NUMB: variants seen among roughly 807,000 people sequenced by gnomAD.
The protein encoded by NUMB is protein numb homolog.
In NUMB, 29 loss-of-function variants were observed where a neutral mutation model predicts 59.7. The ratio of observed to expected loss-of-function variants is 0.49; its 90% CI spans 0.36 to 0.66. The LOEUF is 0.66. NUMB is among the 30% of genes least tolerant of loss of function. The pLI, the probability that NUMB is intolerant of heterozygous loss-of-function variation, is 0.00. For synonymous variants in NUMB, 288 were observed against 288.2 expected (o/e 1.00, Z 0.01); for missense variants, 723 against 822.0 (o/e 0.88, Z 1.47).
chr14:73,340,379 C>T (rs77107327), intron 4 of NUMB, among the ~76,000 whole-genome samples: 4 of 152,292 alleles, frequency 2.6e-5, no homozygotes, highest in African/African-American at 7.2e-5. Context: ...AGGCAAACTG[C>T]GCCATCTGGC....
intron 5 of NUMB, 39 bp downstream of exon 5, chr14:73,323,091 T>C (rs1026387855): frequency 9.6e-6 from 14 of 1,451,876 alleles, no homozygotes; most frequent in Middle Eastern, 1.8e-4. Context: ...AAAATATTGA[T>C]AGCATATAGA....
rs1180299494 is a variant in NUMB at position 73,398,409 on chromosome 14, AGAGAGAGTGTGT to A, written c.-101+11516_-101+11527del. Among the ~76,000 whole-genome samples, 469 of 120,212 alleles carry A rather than the reference AGAGAGAGTGTGT, an allele frequency of 3.9e-3. 5 individuals are homozygous for A. Among genetic ancestry groups the A allele is most frequent in the African/African-American group, 0.013 (449 of 34,380 alleles). The allele number at this position is 120,212 out of a possible 152,430, so 78.9% of individuals were successfully genotyped here. A position where few individuals can be genotyped will look rare whatever the true frequency, so the allele number is the denominator to read the frequency against. On this transcript the variant is annotated intron_variant, in intron 2 of 12. Coordinates refer to ENST00000555238, the MANE Select transcript of NUMB (RefSeq NM_001005743.2). ...GACACACACAGAGAGAGAGAGAGAG[AGAGAGAGTGTGT>A]GTGTGTGTGTGTGTGTGTGTGTGTG...
chr14:73,280,686 A>ATT (rs397852698), intron 11 of NUMB, among the ~76,000 whole-genome samples: 2,656 of 87,584 alleles, frequency 0.03, 112 homozygotes, highest in African/African-American at 0.06. Context: ...TGTTGGTACT[A>ATT]TTTTTTTTTT....
At chr14:73,279,604 C>G (rs177380) in intron 11 of NUMB, among the ~76,000 whole-genome samples, 180 bp from the exon 12 acceptor site, 122,182 of 152,226 alleles carry the variant, frequency 0.8, 49,579 homozygotes, top group African/African-American at 0.92. Context: ...GGCAAAGAAG[C>G]AATCAGAGAT....
chr14:73,430,877 G>A (rs1006029489), intron 1 of NUMB, among the ~76,000 whole-genome samples: 10 of 151,786 alleles, frequency 6.6e-5, no homozygotes, highest in Non-Finnish European at 1.0e-4. Flanking sequence ...CCAGGGAGGC[G>A]GAGCTTGCAG....
chr14:73,292,949 T>C lies in NUMB; in HGVS notation c.310-75A>G. The stretch of plus-strand genomic sequence containing the variant: ...GCTTCTCAGAACACAGGATGTTCAT[T>C]TCATGATGCACAATCCATACATCTG... On this transcript the variant is annotated intron_variant, in intron 7 of 12. Coordinates refer to ENST00000555238, the MANE Select transcript of NUMB (RefSeq NM_001005743.2). 9 of 1,422,196 alleles carry C rather than the reference T, an allele frequency of 6.3e-6. No individual in the cohort carries two copies. In the South Asian group the frequency reaches 9.6e-5, roughly 15 times the overall value. The allele number at this position is 1,422,196 out of a possible 1,614,324, so 88.1% of individuals were successfully genotyped here.
At chr14:73,380,906 A>G (rs1278877091) in intron 2 of NUMB, among the ~76,000 whole-genome samples, 1 of 152,038 alleles carries the variant, frequency 6.6e-6, no homozygotes, top group African/African-American at 2.4e-5. Context: ...TGTATTTAGT[A>G]GAGACGTGGT....
chr14:73,432,351 A>G (rs1351119145), intron 1 of NUMB, among the ~76,000 whole-genome samples: 1 of 152,108 alleles, frequency 6.6e-6, no homozygotes, highest in African/African-American at 2.4e-5. Context: ...ACACAAGAAC[A>G]GGCTCACATG....
At chr14:73,344,847 A>C (rs1053954403) in intron 4 of NUMB, among the ~76,000 whole-genome samples, 1 of 152,252 alleles carries the variant, frequency 6.6e-6, no homozygotes, top group African/African-American at 2.4e-5. Context: ...TTACAAGTTA[A>C]ATGATTAGCT....
chr14:73,394,494 G>T (rs1187250647), intron 2 of NUMB, among the ~76,000 whole-genome samples: 1 of 151,264 alleles, frequency 6.6e-6, no homozygotes, highest in Non-Finnish European at 1.5e-5. Context: ...CCACAGCTTT[G>T]AATTCCTGGG....
intron 4 of NUMB, among the ~76,000 whole-genome samples, chr14:73,350,985 T>G (rs1274858610): frequency 6.6e-6 from 1 of 152,210 alleles, no homozygotes; most frequent in African/African-American, 2.4e-5. Flanking sequence ...CAAACTACAC[T>G]GCAGCCAAAG....
chr14:73,394,342 A>C (rs1896013529), intron 2 of NUMB, among the ~76,000 whole-genome samples: 1 of 151,084 alleles, frequency 6.6e-6, no homozygotes, highest in Non-Finnish European at 1.5e-5. Flanking sequence ...CATATCCATC[A>C]CCTCACATAC....
chr14:73,453,492 A>G (rs1025614645), intron 1 of NUMB, among the ~76,000 whole-genome samples: 11 of 152,044 alleles, frequency 7.2e-5, no homozygotes, highest in African/African-American at 2.7e-4. Context: ...GTATTTAATG[A>G]TATCTTATTT....
intron 1 of NUMB, among the ~76,000 whole-genome samples, chr14:73,419,456 C>A (rs899447107): frequency 2.6e-5 from 4 of 152,162 alleles, no homozygotes; most frequent in Non-Finnish European, 4.4e-5. Context: ...TTGCAGTGAG[C>A]TGAGATTGCG....
chr14:73,340,385 C>G (rs901316335), intron 4 of NUMB, among the ~76,000 whole-genome samples: 1 of 152,230 alleles, frequency 6.6e-6, no homozygotes, highest in Admixed American at 6.5e-5. Flanking sequence ...ACTGCGCCAT[C>G]TGGCCCAGTG....
chr14:73,290,624 G>C (rs911667735), intron 8 of NUMB, among the ~76,000 whole-genome samples: 1 of 152,210 alleles, frequency 6.6e-6, no homozygotes, highest in Non-Finnish European at 1.5e-5. Flanking sequence ...GAGCTTTACT[G>C]ACCTGTAACC....
At chr14:73,434,037 T>C (rs960863412) in intron 1 of NUMB, among the ~76,000 whole-genome samples, 4 of 152,110 alleles carry the variant, frequency 2.6e-5, no homozygotes, top group Non-Finnish European at 5.9e-5. Flanking sequence ...GAGGTCACAG[T>C]GAGCCAAGAT....
chr14:73,406,101 T>TTA (rs1328503834), intron 2 of NUMB, among the ~76,000 whole-genome samples: 2 of 152,004 alleles, frequency 1.3e-5, no homozygotes, highest in Non-Finnish European at 2.9e-5. Context: ...TGTTTTTTTT[T>TTA]TTTTTTATTA....
intron 6 of NUMB, 187 bp from the exon 7 acceptor site, chr14:73,297,472 G>A: frequency 2.2e-6 from 1 of 456,160 alleles, no homozygotes; most frequent in South Asian, 4.0e-5. Context: ...GAAAAAACAA[G>A]CCAAAGCCAT....
Sources: gnomAD v4.1 joint callset for allele counts (sites outside exome capture counted in the v4.1 genomes callset) on GRCh38, gnomAD v4.1.1 for gene constraint, MANE v1.5 for transcripts, NCBI Gene and HGNC (gene_info 2026-07-23, HGNC 2026-07-21) for gene names.